Variants in FBRSL1 observed in about 807,000 individuals in gnomAD.
FBRSL1 encodes the protein fibrosin like 1.
Under a neutral mutation model 89.6 loss-of-function variants are expected in FBRSL1, and 51 were observed. The ratio of observed to expected loss-of-function variants is 0.57; its 90% confidence interval spans 0.45 to 0.72. The LOEUF is 0.72. Ranked by LOEUF, FBRSL1 falls within the 30% of genes least tolerant of loss-of-function variation. The pLI is 0.00. For missense variants in FBRSL1, 1,618 were observed against 1,451.8 expected (o/e 1.11, Z -1.86); for synonymous variants, 779 against 681.1 (o/e 1.14, Z -2.24).
intron 14 of FBRSL1, among the ~76,000 whole-genome samples, 197 bp from the exon 15 acceptor site, chr12:132,576,602 T>G (rs75487622): frequency 0.014 from 2,167 of 152,278 alleles, 35 homozygotes; most frequent in African/African-American, 0.048. Flanking sequence ...GGACGTGAGC[T>G]CTCCCGTTCA....
At chr12:132,512,080 A>G in intron 2 of FBRSL1, 2 of 907,820 alleles carry the variant, frequency 2.2e-6, no homozygotes, top group Non-Finnish European at 2.6e-6. Flanking sequence ...GACCTGGAGC[A>G]TCTGTTCCTG....
intron 14 of FBRSL1, among the ~76,000 whole-genome samples, 151 bp downstream of exon 14, chr12:132,574,715 T>G (rs1009494479): frequency 1.3e-5 from 2 of 152,078 alleles, no homozygotes; most frequent in African/African-American, 4.8e-5. Context: ...CTCTGGGTAC[T>G]GGGCTTTTAC....
At chr12:132,536,951 G>A (rs150382099) in intron 4 of FBRSL1, among the ~76,000 whole-genome samples, 1 of 152,368 alleles carries the variant, frequency 6.6e-6, no homozygotes, top group Non-Finnish European at 1.5e-5. Flanking sequence ...TGCCATGCCT[G>A]TGTGGTAACG....
intron 5 of FBRSL1, chr12:132,551,265 C>T (rs997862512): frequency 2.6e-6 from 1 of 387,998 alleles, no homozygotes; most frequent in South Asian, 1.8e-5. Context: ...CCCCGAGTGC[C>T]CACATTTACA....
chr12:132,537,398 T>C (rs1009021035), intron 4 of FBRSL1, among the ~76,000 whole-genome samples: 3 of 152,016 alleles, frequency 2.0e-5, no homozygotes, highest in Non-Finnish European at 4.4e-5. Flanking sequence ...GCCTGTCCAG[T>C]GTGTGGGTTG....
chr12:132,560,302 C>A (rs1011018127), intron 5 of FBRSL1: 1 of 152,004 alleles, frequency 6.6e-6, no homozygotes, highest in Non-Finnish European at 1.5e-5. Context: ...AGCGACCGCC[C>A]CCCCAGAAGA....
intron 4 of FBRSL1, among the ~76,000 whole-genome samples, chr12:132,537,581 G>T (rs2036867115): frequency 6.6e-6 from 1 of 152,230 alleles, no homozygotes; most frequent in African/African-American, 2.4e-5. Flanking sequence ...GTGCTAAGCA[G>T]GTGTCTAATT....
chr12:132,508,434 G>A (rs959681675), intron 2 of FBRSL1, 84 bp downstream of exon 2: 7 of 1,332,232 alleles, frequency 5.3e-6, no homozygotes, highest in African/African-American at 4.5e-5. Context: ...TGGACACCAC[G>A]CCACGTGGCC....
chr12:132,564,196 T>C (rs1200789837), intron 5 of FBRSL1, among the ~76,000 whole-genome samples: 1 of 152,118 alleles, frequency 6.6e-6, no homozygotes, highest in Non-Finnish European at 1.5e-5. Flanking sequence ...TCTGGGCAGC[T>C]GGGCCTGGCT....
At position 132,490,754 on chromosome 12, in the gene FBRSL1, C is replaced by G. The variant is rs2030718902; in HGVS notation, c.184C>G (p.Arg62Gly). ...APPRGAAPAPRTARPPRRRRR... is the reference protein window; with the variant it reads ...APPRGAAPAPGTARPPRRRRR... ...CCCCCGAGGCGCCGCCCCCGCGCCC[C>G]GCACCGCGCGTCCCCCGCGCCGCCG... The change falls in exon 1 of 19, where the codon CGC becomes GGC. Residue 62 changes from arginine (R) to glycine (G), a missense_variant. By Grantham distance (125) the Arg-to-Gly change is moderately radical (BLOSUM62 -2). Coordinates refer to ENST00000680143, the MANE Select transcript of FBRSL1 (RefSeq NM_001367871.1). The G allele has an allele frequency of 1.3e-5, 14 of 1,083,618 alleles. No individual in the cohort carries two copies. Among genetic ancestry groups the G allele is most frequent in the African/African-American group, 1.7e-5 (1 of 58,876 alleles). 67.1% of individuals were successfully genotyped at this position (1,083,618 alleles called of 1,614,324 possible). A position where few individuals can be genotyped will look rare whatever the true frequency, so the allele number is the denominator to read the frequency against.
chr12:132,543,242 T>C (rs1220635237), intron 4 of FBRSL1, among the ~76,000 whole-genome samples: 2 of 152,202 alleles, frequency 1.3e-5, no homozygotes, highest in Admixed American at 6.5e-5. Flanking sequence ...AGAAGCCCCA[T>C]GAAGGTGCCA....
intron 2 of FBRSL1, among the ~76,000 whole-genome samples, chr12:132,514,352 C>G (rs1371734806): frequency 1.4e-4 from 21 of 152,198 alleles, no homozygotes; most frequent in Non-Finnish European, 5.9e-5. Flanking sequence ...AGCAGGGCTG[C>G]GGCCTGACCC....
chr12:132,567,378 C>A, intron 5 of FBRSL1, 103 bp from the exon 6 acceptor site: 2 of 1,156,790 alleles, frequency 1.7e-6, no homozygotes, highest in Non-Finnish European at 2.5e-6. Flanking sequence ...TCCCGCCTGG[C>A]CCTGCTGGAA....
At position 132,508,383 on chromosome 12, in the gene FBRSL1, C is replaced by T. The variant is rs115728867; in HGVS notation, c.489+33C>T. ...GGTCCCTCCCCGACCGGAAGCTCTG[C>T]GGCGGGTCAGTGCTCACCGCCCCAG... is the stretch of plus-strand genomic sequence containing the variant. On this transcript the variant is annotated intron_variant, in intron 2 of 18. Transcript: ENST00000680143. The T allele has an allele frequency of 2.2e-3, 3,197 of 1,466,722 alleles. 48 individuals are homozygous for T. The African/African-American group carries it at 0.037, about 17-fold the overall frequency. 90.9% of individuals were successfully genotyped at this position (1,466,722 alleles called of 1,614,324 possible). A position where few individuals can be genotyped will look rare whatever the true frequency, so the allele number is the denominator to read the frequency against.
intron 2 of FBRSL1, chr12:132,509,114 C>G: frequency 4.1e-6 from 5 of 1,232,306 alleles, no homozygotes; most frequent in Non-Finnish European, 5.1e-6. Flanking sequence ...GACGGGGGTT[C>G]CGCGGGCGGT....
chr12:132,495,335 G>C (rs1053808436), intron 1 of FBRSL1, among the ~76,000 whole-genome samples: 1 of 152,212 alleles, frequency 6.6e-6, no homozygotes, highest in Admixed American at 6.5e-5. Flanking sequence ...CGAGCACCGC[G>C]TGTGGGGCCT....
intron 4 of FBRSL1, among the ~76,000 whole-genome samples, chr12:132,536,421 G>A (rs2036750847): frequency 6.6e-6 from 1 of 151,848 alleles, no homozygotes; most frequent in Non-Finnish European, 1.5e-5. Flanking sequence ...ACATGATGGT[G>A]TGTGTGCCAT....
At chr12:132,512,540 G>T (rs1294469640) in intron 2 of FBRSL1, among the ~76,000 whole-genome samples, 8 of 152,236 alleles carry the variant, frequency 5.3e-5, no homozygotes, top group Admixed American at 5.2e-4. Flanking sequence ...GGCTGAAGTT[G>T]CCTTCAGACG....
intron 1 of FBRSL1, among the ~76,000 whole-genome samples, chr12:132,498,650 C>T (rs2032458995): frequency 1.3e-5 from 2 of 152,212 alleles, no homozygotes; most frequent in Admixed American, 1.3e-4. Context: ...GGTGCCGGGG[C>T]CCCTTGAGGT....
Sources: allele counts gnomAD v4.1 joint callset (sites outside exome capture counted in the v4.1 genomes callset), GRCh38; gene constraint gnomAD v4.1.1; transcripts MANE v1.5; gene names NCBI Gene and HGNC (gene_info 2026-07-23, HGNC 2026-07-21).